Variants in SLCO5A1 observed in about 807,000 individuals in gnomAD.
The protein encoded by SLCO5A1 is solute carrier organic anion transporter family member 5A1, also known as organic anion transporter polypeptide-related protein 4.
Under a neutral mutation model 65.1 loss-of-function variants are expected in SLCO5A1, and 39 were observed. The observed-to-expected ratio is 0.60, with a 90% CI of 0.46 to 0.78. The LOEUF (loss-of-function observed/expected upper bound fraction) is 0.78, where lower values mean the gene tolerates loss of function less well. SLCO5A1 is among the 30% of genes least tolerant of loss of function. The probability of loss-of-function intolerance (pLI) is 0.00; values close to 1 mark genes in which losing one functional copy is unlikely to be tolerated. For synonymous variants in SLCO5A1, 438 were observed against 415.7 expected (o/e 1.05, Z -0.65); for missense variants, 1,029 against 1,069.4 (o/e 0.96, Z 0.53).
chr8:69,732,779 C>T (rs1411896896), intron 5 of SLCO5A1, among the ~76,000 whole-genome samples: 1 of 152,074 alleles, frequency 6.6e-6, no homozygotes, highest in Non-Finnish European at 1.5e-5. Flanking sequence ...GTCCCAGCTA[C>T]TTGGGAGGCT....
At chr8:69,678,177 A>C (rs1813625889) in intron 8 of SLCO5A1, among the ~76,000 whole-genome samples, 1 of 152,196 alleles carries the variant, frequency 6.6e-6, no homozygotes, top group Non-Finnish European at 1.5e-5. Context: ...TCCACCAAGA[A>C]TTTTGCCTAA....
In SLCO5A1 at chr8:69,831,760, G is replaced by T; in HGVS notation, c.907+7C>A. ...GAAACATATCTGAGAGAACAGGAAA[G>T]TCTTACCTAGGTACAAGGAGGAGTT... On this transcript the variant is annotated splice_region_variant and intron_variant, in intron 2 of 9. Coordinates refer to ENST00000260126, the MANE Select transcript of SLCO5A1 (RefSeq NM_030958.3). 1 of 1,611,272 alleles carries T rather than the reference G, an allele frequency of 6.2e-7. No homozygotes were observed. Among genetic ancestry groups the T allele is most frequent in the East Asian group, 2.2e-5 (1 of 44,862 alleles).
chr8:69,827,676 G>A (rs923706775), intron 2 of SLCO5A1, among the ~76,000 whole-genome samples: 1 of 151,922 alleles, frequency 6.6e-6, no homozygotes, highest in African/African-American at 2.4e-5. Flanking sequence ...AGGGGTGGGT[G>A]GCAAAAAATG....
Position 69,707,128 on chromosome 8 carries a change from G to A in SLCO5A1, c.1424-1899C>T, listed in dbSNP as rs188519614. Among the ~76,000 whole-genome samples the A allele has an allele frequency of 2.6e-3, 396 of 152,304 alleles. 1 individual carries two copies. Among genetic ancestry groups the A allele is most frequent in the Non-Finnish European group, 4.2e-3 (289 of 68,026 alleles). On this transcript the variant is annotated intron_variant, in intron 5 of 9. Transcript: ENST00000260126. ...GATCGTGCCGCTGCACTCCAGCCTG[G>A]TTGACAGAGTGAGACTCCACACCTC... is the stretch of plus-strand genomic sequence containing the variant.
At chr8:69,724,068 G>A (rs915613268) in intron 5 of SLCO5A1, among the ~76,000 whole-genome samples, 3 of 152,112 alleles carry the variant, frequency 2.0e-5, no homozygotes, top group African/African-American at 4.8e-5. Flanking sequence ...CCACCATGCC[G>A]GGCCTAGTAT....
chr8:69,750,886 G>A (rs1239768471), intron 4 of SLCO5A1, among the ~76,000 whole-genome samples: 1 of 152,128 alleles, frequency 6.6e-6, no homozygotes, highest in African/African-American at 2.4e-5. Flanking sequence ...ACTAAAGCAT[G>A]GAGTACAGCA....
chr8:69,676,333 T>G (rs1813545228), intron 9 of SLCO5A1, among the ~76,000 whole-genome samples: 1 of 152,216 alleles, frequency 6.6e-6, no homozygotes, highest in African/African-American at 2.4e-5. Flanking sequence ...GATTTCCTAT[T>G]TCTTACTGTG....
rs1036597883 is a variant in SLCO5A1, at chr8:69,693,336, A to G, written c.1623-10993T>C. ...GTGATTCCATTTTGGCTTCACAGGA[A>G]AAGCTCATTCTCCTAAAACATCCCA... On this transcript the variant is annotated intron_variant, in intron 6 of 9. Coordinates refer to ENST00000260126, the MANE Select transcript of SLCO5A1 (RefSeq NM_030958.3). Among the ~76,000 whole-genome samples, 170 of 152,216 alleles carry G rather than the reference A, an allele frequency of 1.1e-3. 6 individuals are homozygous for G. The highest frequency in any genetic ancestry group is 1.0e-4 in the Non-Finnish European group (7 of 68,040).
At chr8:69,707,753 C>T (rs1484085374) in intron 5 of SLCO5A1, among the ~76,000 whole-genome samples, 1 of 152,024 alleles carries the variant, frequency 6.6e-6, no homozygotes, top group Non-Finnish European at 1.5e-5. Flanking sequence ...TAGGGCCCCA[C>T]AAAGATGGCC....
intron 8 of SLCO5A1, among the ~76,000 whole-genome samples, chr8:69,678,082 T>A (rs542620918): frequency 3.5e-4 from 53 of 152,258 alleles, no homozygotes; most frequent in African/African-American, 1.2e-3. Flanking sequence ...CAGGCCTCCA[T>A]AACAACTGTT....
chr8:69,713,665 A>C (rs929338724), intron 5 of SLCO5A1: 1 of 152,212 alleles, frequency 6.6e-6, no homozygotes, highest in Non-Finnish European at 1.5e-5. Flanking sequence ...CTTATGTCAT[A>C]ATCTAATTAG....
At chr8:69,833,604 CCT>C (rs1821279548) in intron 1 of SLCO5A1, 2 of 152,200 alleles carry the variant, frequency 1.3e-5, no homozygotes. Flanking sequence ...CAATGTATTC[CCT>C]GTCCCAATTT....
intron 2 of SLCO5A1, among the ~76,000 whole-genome samples, chr8:69,828,737 A>G (rs1441513384): frequency 6.6e-6 from 1 of 152,174 alleles, no homozygotes; most frequent in Non-Finnish European, 1.5e-5. Context: ...AAACACCTCA[A>G]ATGCTGGGAC....
intron 2 of SLCO5A1, among the ~76,000 whole-genome samples, chr8:69,810,395 T>C (rs1001569040): frequency 6.6e-6 from 1 of 152,138 alleles, no homozygotes; most frequent in African/African-American, 2.4e-5. Context: ...AAAGCTATTA[T>C]CATAGCCTGA....
At position 69,753,278 on chromosome 8, in the gene SLCO5A1, G is replaced by A. The variant is rs187409537; in HGVS notation, c.1258+2146C>T. Among the ~76,000 whole-genome samples the A allele has an allele frequency of 4.4e-3, 673 of 152,310 alleles. 5 individuals are homozygous for A. The highest frequency in any genetic ancestry group is 0.015 in the African/African-American group (634 of 41,558). On this transcript the variant is annotated intron_variant, in intron 4 of 9. Transcript: ENST00000260126. ...ATTGCCTACCCCAAGAGGGGCAGGA[G>A]CTGCGGTGTTCATCCAGTCATCTGG...
chr8:69,802,456 G>A (rs1371468139), intron 2 of SLCO5A1, among the ~76,000 whole-genome samples: 1 of 151,556 alleles, frequency 6.6e-6, no homozygotes, highest in Non-Finnish European at 1.5e-5. Context: ...CAGTGAGCTG[G>A]GATTGCACTT....
At chr8:69,737,644 G>A (rs1278850720) in intron 5 of SLCO5A1, among the ~76,000 whole-genome samples, 1 of 152,016 alleles carries the variant, frequency 6.6e-6, no homozygotes, top group African/African-American at 2.4e-5. Flanking sequence ...TTTCTGAAGG[G>A]GAAATCCTGC....
At chr8:69,731,906 A>G (rs539046721) in intron 5 of SLCO5A1, among the ~76,000 whole-genome samples, 68 of 152,380 alleles carry the variant, frequency 4.5e-4, no homozygotes, top group African/African-American at 1.5e-3. Context: ...GATAGTGGAC[A>G]TCTACACCTA....
intron 1 of SLCO5A1, among the ~76,000 whole-genome samples, chr8:69,834,589 G>A (rs563560702): frequency 1.2e-4 from 18 of 152,020 alleles, no homozygotes; most frequent in Non-Finnish European, 1.6e-4. Flanking sequence ...CGCCGCTCGC[G>A]GGGGGCGTCC....
Sources: allele counts gnomAD v4.1 joint callset (sites outside exome capture counted in the v4.1 genomes callset), GRCh38; gene constraint gnomAD v4.1.1; transcripts MANE v1.5; gene names NCBI Gene and HGNC (gene_info 2026-07-23, HGNC 2026-07-21).